The following ADCY8 variants were observed in gnomAD, a reference collection of about 807,000 sequenced individuals.
The protein encoded by ADCY8 is adenylate cyclase 8.
ADCY8 carries 51 observed loss-of-function variants against 119.7 expected under a neutral mutation model. The observed-to-expected ratio is 0.43, with a 90% CI of 0.34 to 0.54. The LOEUF (loss-of-function observed/expected upper bound fraction) is 0.54. Among genes scored for constraint, ADCY8 ranks in the 20% least tolerant of loss-of-function variants. ADCY8 has a pLI of 0.03. For missense variants in ADCY8, 1,383 were observed against 1,598.8 expected (o/e 0.87, Z 2.30); for synonymous variants, 665 against 651.0 (o/e 1.02, Z -0.33).
intron 11 of ADCY8, among the ~76,000 whole-genome samples, chr8:130,836,943 A>G (rs1817008138): frequency 6.6e-6 from 1 of 152,162 alleles, no homozygotes; most frequent in Non-Finnish European, 1.5e-5. Flanking sequence ...CATGTTGGCC[A>G]GGCTGGTCTT....
At chr8:130,812,835 T>G (rs1816210430) in intron 14 of ADCY8, among the ~76,000 whole-genome samples, 1 of 152,202 alleles carries the variant, frequency 6.6e-6, no homozygotes, top group East Asian at 1.9e-4. Context: ...TATATAAATA[T>G]ACACACATGT....
intron 1 of ADCY8, among the ~76,000 whole-genome samples, chr8:130,993,414 A>G (rs1822664471): frequency 6.6e-6 from 1 of 152,254 alleles, no homozygotes; most frequent in Non-Finnish European, 1.5e-5. Context: ...TTAAAAAGTC[A>G]GCAAAGATAG....
Position 131,040,062 on chromosome 8 carries a change from A to T in ADCY8, c.272T>A (p.Leu91His). Residue 91 changes from leucine to histidine, a missense_variant, in exon 1 of 18, where the codon CTC (leucine) becomes CAC (histidine). Transcript: ENST00000286355. ...PQLSGDSALPLYSLGPGERAH... is the reference protein window; with the variant it reads ...PQLSGDSALPHYSLGPGERAH... ...TCGCTCTCCCGGGCCCAGCGAGTAGAGGGGCAGCGCCGAGTCGCCTGACAG... is the reference window on the plus strand; with the variant it reads ...TCGCTCTCCCGGGCCCAGCGAGTAGTGGGGCAGCGCCGAGTCGCCTGACAG... 1 of 1,543,704 alleles carries T rather than the reference A, an allele frequency of 6.5e-7. No individual in the cohort carries two copies. Among genetic ancestry groups the T allele is most frequent in the Non-Finnish European group, 8.7e-7 (1 of 1,150,026 alleles).
chr8:131,015,118 A>G (rs1221718200), intron 1 of ADCY8, among the ~76,000 whole-genome samples: 3 of 152,224 alleles, frequency 2.0e-5, no homozygotes, highest in Non-Finnish European at 4.4e-5. Context: ...ATTGATTGAT[A>G]AAGAGCAGTT....
At chr8:130,968,266 T>C (rs1159189973) in intron 2 of ADCY8, among the ~76,000 whole-genome samples, 1 of 151,834 alleles carries the variant, frequency 6.6e-6, no homozygotes, top group Non-Finnish European at 1.5e-5. Context: ...GCCTTCTGGG[T>C]TCACGCCATT....
At chr8:130,884,278 A>G (rs145424100) in intron 8 of ADCY8, among the ~76,000 whole-genome samples, 1 of 152,334 alleles carries the variant, frequency 6.6e-6, no homozygotes, top group African/African-American at 2.4e-5. Flanking sequence ...ATAATCTGAA[A>G]GTGGAAGAAA....
At position 130,937,131 on chromosome 8, in the gene ADCY8, G is replaced by T; in HGVS notation, c.1423C>A (p.Arg475Ser). The T allele has an allele frequency of 1.2e-6, 2 of 1,613,828 alleles. No homozygotes were observed. The highest frequency in any genetic ancestry group is 4.5e-5 in the East Asian group (2 of 44,874). The change falls in exon 5 of 18, where the codon CGC (arginine) becomes AGC (serine). Residue 475 changes from arginine (R) to serine (S), a missense_variant. By Grantham distance (110) the Arg-to-Ser change is moderately radical (BLOSUM62 -1). Coordinates refer to ENST00000286355, the MANE Select transcript of ADCY8 (RefSeq NM_001115.3). ...ACACAGCAGTGGGCATGGTCCTGGC[G>T]GGGCTCAGGAAGTCCAGACACGCAG... ...YYCVSGLPEP[R>S]QDHAHCCVEM...
At chr8:131,027,171 C>G (rs1027931571) in intron 1 of ADCY8, among the ~76,000 whole-genome samples, 1 of 152,188 alleles carries the variant, frequency 6.6e-6, no homozygotes, top group Non-Finnish European at 1.5e-5. Flanking sequence ...TTTCCTTAAA[C>G]ACCTAACATG....
At chr8:130,852,544 C>T (rs1734926654) in intron 9 of ADCY8, among the ~76,000 whole-genome samples, 1 of 152,156 alleles carries the variant, frequency 6.6e-6, no homozygotes, top group Non-Finnish European at 1.5e-5. Flanking sequence ...GTGGCTCATT[C>T]ACATGAGGAA....
At chr8:130,804,365 T>C (rs944613911) in intron 14 of ADCY8, among the ~76,000 whole-genome samples, 2 of 152,162 alleles carry the variant, frequency 1.3e-5, no homozygotes, top group African/African-American at 2.4e-5. Context: ...TAGTCTCCTC[T>C]TTCTATTAGG....
chr8:130,945,068 T>C (rs1190761765), intron 3 of ADCY8, among the ~76,000 whole-genome samples: 1 of 152,184 alleles, frequency 6.6e-6, no homozygotes, highest in Non-Finnish European at 1.5e-5. Context: ...ATGGATGCTC[T>C]GAGCAGAGAG....
chr8:131,001,418 G>A (rs1462316891), intron 1 of ADCY8, among the ~76,000 whole-genome samples: 3 of 151,958 alleles, frequency 2.0e-5, no homozygotes, highest in Non-Finnish European at 4.4e-5. Flanking sequence ...TGCTAGCCAT[G>A]TGAGTTTAGG....
intron 8 of ADCY8, among the ~76,000 whole-genome samples, chr8:130,882,117 G>A (rs1190190900): frequency 9.2e-6 from 1 of 109,196 alleles, no homozygotes; most frequent in African/African-American, 4.0e-5. Context: ...CCCATATTGA[G>A]GTTTTTTTTT....
intron 1 of ADCY8, among the ~76,000 whole-genome samples, chr8:131,029,424 G>A (rs1364408103): frequency 1.3e-5 from 2 of 152,170 alleles, no homozygotes; most frequent in African/African-American, 4.8e-5. Flanking sequence ...TGCCAAAAAG[G>A]TTGGGGACTG....
At chr8:131,027,107 GC>G (rs1823846342) in intron 1 of ADCY8, among the ~76,000 whole-genome samples, 2 of 152,212 alleles carry the variant, frequency 1.3e-5, no homozygotes, top group Non-Finnish European at 2.9e-5. Flanking sequence ...TGAGAGTCAT[GC>G]TTGAAGGACT....
At chr8:131,036,205 G>T (rs1215398420) in intron 1 of ADCY8, among the ~76,000 whole-genome samples, 1 of 152,178 alleles carries the variant, frequency 6.6e-6, no homozygotes, top group Non-Finnish European at 1.5e-5. Context: ...TCTCTGAAAT[G>T]AAAATGAAGG....
At position 131,040,273 on chromosome 8, in the gene ADCY8, T is replaced by C; in HGVS notation, c.61A>G (p.Thr21Ala). 1 of 1,564,804 alleles carries C rather than the reference T, an allele frequency of 6.4e-7. No individual in the cohort carries two copies. Among genetic ancestry groups the C allele is most frequent in the Non-Finnish European group, 8.6e-7 (1 of 1,162,002 alleles). ...GSEELYTIHP[T>A]PPAGDGRSAS... ...CTCCTGCCGTCGCCGGCCGGGGGCG[T>C]CGGGTGGATGGTGTAGAGTTCCTCG... Residue 21 changes from threonine (T) to alanine (A), a missense_variant, in exon 1 of 18, where the codon ACG becomes GCG. This residue lies in a region of ADCY8 where 455 missense variants were observed against 435.3 expected (regional missense o/e 1.05). Transcript: ENST00000286355.
chr8:130,993,855 T>C (rs1822681160), intron 1 of ADCY8, among the ~76,000 whole-genome samples: 2 of 152,222 alleles, frequency 1.3e-5, no homozygotes, highest in Non-Finnish European at 2.9e-5. Flanking sequence ...AATAATTAGA[T>C]AGTAGAAATT....
At chr8:130,950,350 A>G (rs1821233729) in intron 3 of ADCY8, among the ~76,000 whole-genome samples, 1 of 152,266 alleles carries the variant, frequency 6.6e-6, no homozygotes, top group African/African-American at 2.4e-5. Flanking sequence ...GCAAAGAAGC[A>G]GCAGGAGCAG....
Sources: gnomAD v4.1 joint callset for allele counts (sites outside exome capture counted in the v4.1 genomes callset) on GRCh38, gnomAD v4.1.1 for gene constraint, gnomAD v4.1.1 regional missense constraint, MANE v1.5 for transcripts, NCBI Gene and HGNC (gene_info 2026-07-23, HGNC 2026-07-21) for gene names.